The following HYAL4 variants were observed in gnomAD, a reference collection of about 807,000 sequenced individuals.
HYAL4 encodes hyaluronidase 4.
Under a neutral mutation model 35.2 loss-of-function variants are expected in HYAL4, and 37 were observed. That is an observed-to-expected ratio of 1.05 (90% confidence interval 0.81 to 1.38). The LOEUF is 1.38. Ranked by LOEUF, HYAL4 falls within the 40% of genes most tolerant of loss-of-function variation. HYAL4 has a pLI of 0.00. For synonymous variants in HYAL4, 198 were observed against 203.2 expected (o/e 0.97, Z 0.22); for missense variants, 572 against 572.4 (o/e 1.00, Z 0.01).
the HYAL4 span, among the ~76,000 whole-genome samples, chr7:123,812,284 A>G: frequency 9.9e-5 from 15 of 152,150 alleles, no homozygotes; most frequent in African/African-American, 2.9e-4. Context: ...GTATTAGTAT[A>G]TATATTTTAT....
chr7:123,837,749 A>G (rs200884750), intron 1 of HYAL4, among the ~76,000 whole-genome samples: 1 of 132,788 alleles, frequency 7.5e-6, no homozygotes, highest in South Asian at 2.4e-4. Context: ...ATTCCCACCT[A>G]TGAGTGAGAA....
At position 123,868,454 on chromosome 7, in the gene HYAL4, A is replaced by G. The variant is rs373612274; in HGVS notation, c.181A>G (p.Ile61Val). The G allele has an allele frequency of 4.4e-6, 7 of 1,606,652 alleles. No individual in the cohort carries two copies. In the African/African-American group the frequency reaches 5.4e-5, roughly 12 times the overall value. ...GAATGCTCCAACAGATCAGTGTTTG[A>G]TAAAATATAATTTAAGACTAAATTT... is the stretch of plus-strand genomic sequence containing the variant. ...AWNAPTDQCL[I>V]KYNLRLNLKM... is the part of the protein sequence containing the mutation. The change falls in exon 3 of 5, where the codon ATA becomes GTA. Residue 61 changes from isoleucine to valine, a missense_variant. Ile to Val is a conservative substitution (Grantham distance 29). Transcript: ENST00000223026.
upstream of HYAL4, among the ~76,000 whole-genome samples, chr7:123,825,684 A>G (rs1268433023): frequency 1.3e-5 from 2 of 152,288 alleles, no homozygotes; most frequent in Non-Finnish European, 1.5e-5. Context: ...CAAGCTATGC[A>G]TTATCAATGA....
At chr7:123,861,157 C>T (rs1806567972) in intron 2 of HYAL4, among the ~76,000 whole-genome samples, 1 of 152,052 alleles carries the variant, frequency 6.6e-6, no homozygotes, top group Non-Finnish European at 1.5e-5. Flanking sequence ...GGTCCTCAGG[C>T]CTGAGGTTGG....
intron 1 of HYAL4, among the ~76,000 whole-genome samples, chr7:123,837,225 A>G (rs1805978675): frequency 6.6e-6 from 1 of 152,194 alleles, no homozygotes; most frequent in Non-Finnish European, 1.5e-5. Context: ...AGGGCTGAAG[A>G]TAGGACCCCA....
At chr7:123,775,656 C>T in the HYAL4 span, among the ~76,000 whole-genome samples, 2 of 152,160 alleles carry the variant, frequency 1.3e-5, no homozygotes, top group Admixed American at 1.3e-4. Flanking sequence ...ATGTAGCCTT[C>T]TTCATTCTAA....
upstream of HYAL4, among the ~76,000 whole-genome samples, chr7:123,826,117 A>G (rs924344191): frequency 3.3e-5 from 5 of 152,124 alleles, no homozygotes; most frequent in Non-Finnish European, 2.9e-5. Flanking sequence ...CTAATTTTAT[A>G]TATTTAGCTA....
At chr7:123,800,327 G>A in the HYAL4 span, among the ~76,000 whole-genome samples, 3 of 150,026 alleles carry the variant, frequency 2.0e-5, no homozygotes, top group South Asian at 4.2e-4. Context: ...CCGCCACCAT[G>A]CCCGGCTAAT....
At chr7:123,813,152 C>T in the HYAL4 span, among the ~76,000 whole-genome samples, 2 of 151,914 alleles carry the variant, frequency 1.3e-5, no homozygotes, top group Non-Finnish European at 2.9e-5. Flanking sequence ...ACATGAGAAA[C>T]AATGTATGAT....
the HYAL4 span, among the ~76,000 whole-genome samples, chr7:123,786,267 G>T: frequency 9.2e-5 from 14 of 152,254 alleles, no homozygotes; most frequent in African/African-American, 2.6e-4. Context: ...CTACATAAGT[G>T]CTCAAAAAGT....
At chr7:123,849,648 A>G (rs1291701175) in intron 2 of HYAL4, among the ~76,000 whole-genome samples, 2 of 152,066 alleles carry the variant, frequency 1.3e-5, no homozygotes, top group Non-Finnish European at 2.9e-5. Flanking sequence ...CAAAAGAGAA[A>G]CCTTTTAAGA....
At chr7:123,813,736 G>A in the HYAL4 span, among the ~76,000 whole-genome samples, 4 of 152,106 alleles carry the variant, frequency 2.6e-5, 1 homozygote, top group Admixed American at 2.6e-4. Context: ...TAATTTTCAA[G>A]TGGGCATGTT....
chr7:123,818,872 T>C, the HYAL4 span, among the ~76,000 whole-genome samples: 3 of 152,196 alleles, frequency 2.0e-5, no homozygotes, highest in African/African-American at 7.2e-5. Context: ...GAGGTACATA[T>C]ACATTGCAGA....
At chr7:123,841,247 A>G (rs974215006), upstream of HYAL4, among the ~76,000 whole-genome samples, 1 of 151,880 alleles carries the variant, frequency 6.6e-6, no homozygotes, top group Non-Finnish European at 1.5e-5. Context: ...TGAGATAATC[A>G]TATGGTTTTT....
the HYAL4 span, among the ~76,000 whole-genome samples, chr7:123,802,066 G>A: frequency 6.6e-6 from 1 of 152,152 alleles, no homozygotes; most frequent in Admixed American, 6.5e-5. Context: ...ATTGATGAGT[G>A]TGTGAGAAGA....
At chr7:123,768,565 A>G in the HYAL4 span, among the ~76,000 whole-genome samples, 2 of 152,214 alleles carry the variant, frequency 1.3e-5, no homozygotes, top group East Asian at 1.9e-4. Context: ...TGTATAAGGT[A>G]GGCCGATTCA....
intron 1 of HYAL4, among the ~76,000 whole-genome samples, chr7:123,831,667 T>C (rs1805884745): frequency 6.6e-6 from 1 of 152,220 alleles, no homozygotes; most frequent in East Asian, 1.9e-4. Flanking sequence ...TGGTCATCTG[T>C]TTATATTTAC....
chr7:123,862,025 G>A (rs1318268520), intron 2 of HYAL4, among the ~76,000 whole-genome samples: 1 of 152,072 alleles, frequency 6.6e-6, no homozygotes, highest in Non-Finnish European at 1.5e-5. Flanking sequence ...AGCTTGCAGA[G>A]CATTGATGTT....
chr7:123,874,683 G>C (rs894802093), intron 3 of HYAL4, 78 bp from the exon 4 acceptor site: 34 of 826,420 alleles, frequency 4.1e-5, no homozygotes, highest in Non-Finnish European at 6.6e-5. Flanking sequence ...GGGATTACAG[G>C]CGTGAGCCAC....
Sources: gnomAD v4.1 joint callset for allele counts (sites outside exome capture counted in the v4.1 genomes callset) on GRCh38, gnomAD v4.1.1 for gene constraint, MANE v1.5 for transcripts, NCBI Gene and HGNC (gene_info 2026-07-23, HGNC 2026-07-21) for gene names.